Variants in TRPM7 observed in about 807,000 individuals in gnomAD.
TRPM7 encodes LTRPC ion channel family member 7.
A neutral mutation model predicts 229.7 loss-of-function variants in TRPM7; 134 were observed. The ratio of observed to expected loss-of-function variants is 0.58; its 90% CI spans 0.51 to 0.67. TRPM7 has a LOEUF of 0.67. TRPM7 is among the 30% of genes least tolerant of loss of function. The probability of loss-of-function intolerance (pLI) is 0.00; values close to 1 mark genes in which losing one functional copy is unlikely to be tolerated. For synonymous variants in TRPM7, 699 were observed against 715.2 expected (o/e 0.98, Z 0.36); for missense variants, 1,901 against 2,210.0 (o/e 0.86, Z 2.80).
At chr15:50,585,468 C>T (rs1220299315) in intron 28 of TRPM7, among the ~76,000 whole-genome samples, 1 of 152,198 alleles carries the variant, frequency 6.6e-6, no homozygotes, top group African/African-American at 2.4e-5. Flanking sequence ...CAATAGTTCA[C>T]TATGAAGTTT....
chr15:50,600,551 A>G (rs887159076), intron 21 of TRPM7, among the ~76,000 whole-genome samples: 6 of 152,234 alleles, frequency 3.9e-5, no homozygotes, highest in Non-Finnish European at 8.8e-5. Flanking sequence ...GCCTCATGCA[A>G]AAGAGAATAC....
In TRPM7 at chr15:50,628,261, A is replaced by C; in HGVS notation, c.1205-12T>G. 1.3e-6 allele frequency: 2 copies of C among 1,572,864 alleles called. No individual in the cohort carries two copies. The highest frequency in any genetic ancestry group is 1.7e-6 in the Non-Finnish European group (2 of 1,149,278). ...AGATGCATTAGTACCTAATCGAATA[A>C]AGAAAATAGTTGACAGGTTCAATTA... On this transcript the variant is annotated splice_polypyrimidine_tract_variant and intron_variant, in intron 10 of 38. Transcript: ENST00000646667.
At chr15:50,624,902 G>A (rs991969989) in intron 11 of TRPM7, among the ~76,000 whole-genome samples, 1 of 152,190 alleles carries the variant, frequency 6.6e-6, no homozygotes, top group African/African-American at 2.4e-5. Context: ...AGTCAGGCAA[G>A]ATTGTACTTA....
Position 50,596,347 on chromosome 15 carries a change from A to G in TRPM7, c.3198T>C (p.Cys1066=). Residue 1066 remains cysteine (C), a synonymous_variant, in exon 23 of 39, where the codon TGT becomes TGC. Transcript: ENST00000646667. ...ATGGAGTCAACCACGTCCCAGGACC[A>G]CAGATTTGAGGGATAACAGAATCAT... ...CANDSVIPQI[C]GPGTWLTPFL... 6.2e-7 allele frequency: 1 copy of G among 1,609,146 alleles called. No individual in the cohort carries two copies. The highest frequency in any genetic ancestry group is 2.2e-5 in the East Asian group (1 of 44,734).
chr15:50,618,914 T>C (rs2060309254), intron 13 of TRPM7, among the ~76,000 whole-genome samples: 1 of 152,214 alleles, frequency 6.6e-6, no homozygotes, highest in Non-Finnish European at 1.5e-5. Flanking sequence ...AACCTCCAGT[T>C]CCATTCACAC....
chr15:50,592,657 AT>A (rs2059535867), intron 25 of TRPM7, 31 bp from the exon 26 acceptor site: 2 of 1,395,300 alleles, frequency 1.4e-6, no homozygotes, highest in African/African-American at 2.9e-5. Flanking sequence ...TTTTTTACAA[AT>A]GTGAAAAAAT....
At chr15:50,651,768 T>TA (rs2061426958) in intron 3 of TRPM7, among the ~76,000 whole-genome samples, 1 of 152,054 alleles carries the variant, frequency 6.6e-6, no homozygotes, top group African/African-American at 2.4e-5. Flanking sequence ...CAGTCGCCTG[T>TA]AATCCCAGCT....
At chr15:50,585,078 G>A (rs572936640) in intron 28 of TRPM7, among the ~76,000 whole-genome samples, 24 of 116,376 alleles carry the variant, frequency 2.1e-4, no homozygotes, top group Non-Finnish European at 3.2e-4. Flanking sequence ...TTTTTGAGAC[G>A]GAGTCTCGCT....
intron 6 of TRPM7, 23 bp downstream of exon 6, chr15:50,639,401 G>T: frequency 6.5e-7 from 1 of 1,545,366 alleles, no homozygotes; most frequent in Non-Finnish European, 8.8e-7. Context: ...TCAAACATAA[G>T]AAATTTTAAA....
At position 50,593,701 on chromosome 15, in the gene TRPM7, T is replaced by C. The variant is rs2059561930; in HGVS notation, c.3524A>G (p.Glu1175Gly). 6 of 1,611,234 alleles carry C rather than the reference T, an allele frequency of 3.7e-6. No homozygotes were observed. The South Asian group carries it at 6.6e-5, about 18-fold the overall frequency. Residue 1175 changes from glutamate (E) to glycine (G), a missense_variant, in exon 25 of 39, where the codon GAG becomes GGG. This residue lies in a region of TRPM7 where 533 missense variants were observed against 497.1 expected (regional missense o/e 1.07). Transcript: ENST00000646667. ...ATTGAAATACATTTCAACACACTGC[T>C]CTTCAAAATCATGAAGTTTCTTTTG... Reference protein sequence around the residue: ...EDQKKLHDFEEQCVEMYFNEK... With the variant: ...EDQKKLHDFEGQCVEMYFNEK...
chr15:50,609,127 T>C (rs989993158), intron 19 of TRPM7, among the ~76,000 whole-genome samples: 5 of 152,202 alleles, frequency 3.3e-5, no homozygotes, highest in African/African-American at 1.2e-4. Flanking sequence ...ATTAAAGAAA[T>C]AAGCCACAGA....
At chr15:50,598,679 T>C (rs1349848918) in intron 22 of TRPM7, among the ~76,000 whole-genome samples, 1 of 152,238 alleles carries the variant, frequency 6.6e-6, no homozygotes, top group East Asian at 1.9e-4. Flanking sequence ...AGGGAATTTC[T>C]ATGAAAGGGA....
chr15:50,679,123 C>T (rs2062171510), intron 1 of TRPM7, among the ~76,000 whole-genome samples: 1 of 142,048 alleles, frequency 7.0e-6, no homozygotes, highest in African/African-American at 2.7e-5. Context: ...CCACCCGCCT[C>T]AGCCTTCCAA....
intron 28 of TRPM7, among the ~76,000 whole-genome samples, chr15:50,585,034 TCTAG>T (rs1351667755): frequency 6.8e-6 from 1 of 146,142 alleles, no homozygotes. Flanking sequence ...CGCCACCACA[TCTAG>T]CTAATTTTTG....
In TRPM7 at chr15:50,666,751, G is replaced by C. The variant is rs547823853; in HGVS notation, c.4-3705C>G. Among the ~76,000 whole-genome samples, 27 of 151,918 alleles carry C rather than the reference G, an allele frequency of 1.8e-4. 1 individual carries two copies. In the South Asian group the frequency reaches 5.0e-3, roughly 28 times the overall value. On this transcript the variant is annotated intron_variant, in intron 1 of 38. Transcript: ENST00000646667. Reference sequence around the variant, plus strand: ...TGGGAAGCAGAAGTTATGGTGAGCCGAGATCGTGCCATTGCACTCCAGCCT... The same window carrying C: ...TGGGAAGCAGAAGTTATGGTGAGCCCAGATCGTGCCATTGCACTCCAGCCT...
intron 31 of TRPM7, among the ~76,000 whole-genome samples, chr15:50,576,897 C>T (rs1316485413): frequency 6.6e-6 from 1 of 152,072 alleles, no homozygotes; most frequent in Non-Finnish European, 1.5e-5. Context: ...GCTTTGGGGC[C>T]AGGAGTTCAA....
At position 50,561,716 on chromosome 15, in the gene TRPM7, C is replaced by G; in HGVS notation, c.5560G>C (p.Glu1854Gln). The G allele has an allele frequency of 6.2e-7, 1 of 1,610,696 alleles. No homozygotes were observed. The change falls in exon 39 of 39, where the codon GAA becomes CAA. Residue 1854 changes from glutamate (E) to glutamine (Q), a missense_variant. Transcript: ENST00000646667. ...CGAACAGAATTAGTTGATTCTGATTCTTTGGTGGAATTTCCAGGCTGAAGA... is the reference window on the plus strand; with the variant it reads ...CGAACAGAATTAGTTGATTCTGATTGTTTGGTGGAATTTCCAGGCTGAAGA... ...LNLQPGNSTK[E>Q]SESTNSVRLM...
chr15:50,635,238 A>C (rs1225097176), intron 7 of TRPM7, among the ~76,000 whole-genome samples: 1 of 148,696 alleles, frequency 6.7e-6, no homozygotes, highest in East Asian at 2.0e-4. Context: ...GAATCACCTG[A>C]ACCCAGGAGG....
At position 50,592,443 on chromosome 15, in the gene TRPM7, G is replaced by A; in HGVS notation, c.3792C>T (p.Ile1264=). 6.2e-7 allele frequency: 1 copy of A among 1,614,152 alleles called. No individual in the cohort carries two copies. Among genetic ancestry groups the A allele is most frequent in the Non-Finnish European group, 8.5e-7 (1 of 1,180,024 alleles). ...ASEASKVHNE[I]TRELSISKHL... is the part of the protein sequence containing the mutation. Reference sequence around the variant, plus strand: ...GTTTGGAAATGCTCAGTTCTCGTGTGATTTCATTATGAACTTTGCTAGCTT... The same window carrying A: ...GTTTGGAAATGCTCAGTTCTCGTGTAATTTCATTATGAACTTTGCTAGCTT... Residue 1264 remains isoleucine, a synonymous_variant, in exon 26 of 39, where the codon ATC becomes ATT. Coordinates refer to ENST00000646667, the MANE Select transcript of TRPM7 (RefSeq NM_017672.6).
Sources: allele counts gnomAD v4.1 joint callset (sites outside exome capture counted in the v4.1 genomes callset), GRCh38; gene constraint gnomAD v4.1.1; regional missense constraint gnomAD v4.1.1; transcripts MANE v1.5; gene names NCBI Gene and HGNC (gene_info 2026-07-23, HGNC 2026-07-21).